The following ATP13A4 variants were observed in gnomAD, a reference collection of about 807,000 sequenced individuals.
The protein encoded by ATP13A4 is ATPase 13A4.
Under a neutral mutation model 142.5 loss-of-function variants are expected in ATP13A4, and 114 were observed. The observed-to-expected ratio is 0.80, with a 90% CI of 0.69 to 0.93. The LOEUF is 0.93. ATP13A4 is among the 40% of genes least tolerant of loss of function. ATP13A4 has a pLI of 0.00. For synonymous variants in ATP13A4, 488 were observed against 514.8 expected (o/e 0.95, Z 0.70); for missense variants, 1,392 against 1,454.0 (o/e 0.96, Z 0.69).
rs1224999283 is a variant in ATP13A4, at chr3:193,578,314, TA to T, written n.291+3392del. ...TCTCAGAAATATCTATATCTATATC[TA>T]TATCTATATCTATATCTATATCTAT... On this transcript the variant is annotated intron_variant and non_coding_transcript_variant, in intron 2 of 3. Coordinates refer to the ATP13A4 transcript ENST00000489140. Among the ~76,000 whole-genome samples the T allele has an allele frequency of 1.3e-4, 19 of 142,934 alleles. No homozygotes were observed. The East Asian group carries it at 3.6e-3, about 27-fold the overall frequency. The allele number at this position is 142,934 out of a possible 152,430, so 93.8% of individuals were successfully genotyped here.
At chr3:193,567,126 A>C (rs1210419096) in intron 2 of ATP13A4, among the ~76,000 whole-genome samples, 1 of 152,230 alleles carries the variant, frequency 6.6e-6, no homozygotes, top group Non-Finnish European at 1.5e-5. Flanking sequence ...ATATTATGCA[A>C]CCATTAAATA....
intron 1 of ATP13A4, among the ~76,000 whole-genome samples, chr3:193,531,169 T>C (rs1201823653): frequency 2.0e-5 from 3 of 151,502 alleles, no homozygotes; most frequent in African/African-American, 7.3e-5. Flanking sequence ...GTAAAAGCAC[T>C]AGCCCGTTGA....
intron 8 of ATP13A4, among the ~76,000 whole-genome samples, chr3:193,481,415 A>C (rs1719286258): frequency 6.6e-6 from 1 of 152,180 alleles, no homozygotes; most frequent in South Asian, 2.1e-4. Context: ...ATAATACAAA[A>C]ACACATACAT....
At chr3:193,441,386 T>G (rs1382096114) in intron 20 of ATP13A4, 80 bp downstream of exon 20, 1 of 1,553,222 alleles carries the variant, frequency 6.4e-7, no homozygotes, top group Non-Finnish European at 8.9e-7. Context: ...GTCTCAAGAT[T>G]TGAAATAATT....
intron 1 of ATP13A4, among the ~76,000 whole-genome samples, chr3:193,584,870 A>G (rs1207279363): frequency 2.6e-5 from 4 of 152,218 alleles, no homozygotes; most frequent in Non-Finnish European, 5.9e-5. Context: ...AATCTTCGCT[A>G]TACATTTTGA....
Position 193,464,958 on chromosome 3 carries a change from G to A in ATP13A4, c.1443C>T (p.Asn481=). 1.9e-6 allele frequency: 3 copies of A among 1,614,086 alleles called. No homozygotes were observed. The highest frequency in any genetic ancestry group is 2.5e-6 in the Non-Finnish European group (3 of 1,180,000). ...PQRINVCGQL[N]LVCFDKTGTL... ...CACATACCTTGTCAAAGCAGACAAG[G>A]TTTAACTGTCCACATACGTTGATCC... The change falls in exon 12 of 30, where the codon AAC becomes AAT. Residue 481 remains asparagine, a synonymous_variant. Coordinates refer to ENST00000342695, the MANE Select transcript of ATP13A4 (RefSeq NM_032279.4).
intron 2 of ATP13A4, among the ~76,000 whole-genome samples, chr3:193,574,230 C>T (rs1724347891): frequency 6.6e-6 from 1 of 152,252 alleles, no homozygotes; most frequent in African/African-American, 2.4e-5. Context: ...CTGCCTCCGG[C>T]ATCACCACCC....
chr3:193,507,362 C>A (rs1290351064), intron 2 of ATP13A4, among the ~76,000 whole-genome samples: 10 of 151,932 alleles, frequency 6.6e-5, no homozygotes, highest in Non-Finnish European at 1.5e-4. Context: ...CCTCTCCTGG[C>A]CAGACTCATT....
chr3:193,414,786 C>A, intron 25 of ATP13A4, 36 bp from the exon 26 acceptor site: 1 of 1,596,548 alleles, frequency 6.3e-7, no homozygotes, highest in African/African-American at 1.3e-5. Flanking sequence ...TTTATGAGAG[C>A]AGGAAAATGT....
intron 25 of ATP13A4, among the ~76,000 whole-genome samples, chr3:193,417,516 G>A (rs1715127086): frequency 6.6e-6 from 1 of 152,172 alleles, no homozygotes; most frequent in Non-Finnish European, 1.5e-5. Context: ...TATAAATTTA[G>A]AATGTTTCAT....
chr3:193,584,120 C>G (rs1724623926), intron 1 of ATP13A4, among the ~76,000 whole-genome samples: 1 of 152,180 alleles, frequency 6.6e-6, no homozygotes, highest in South Asian at 2.1e-4. Flanking sequence ...TAATCAGAAG[C>G]TGTGCATGTG....
At chr3:193,465,821 C>T (rs1718243266) in intron 11 of ATP13A4, among the ~76,000 whole-genome samples, 1 of 151,988 alleles carries the variant, frequency 6.6e-6, no homozygotes, top group African/African-American at 2.4e-5. Context: ...TTGTTTTATC[C>T]CATTATCCCA....
At chr3:193,589,535 G>T (rs370753243) in intron 1 of ATP13A4, among the ~76,000 whole-genome samples, 1 of 151,898 alleles carries the variant, frequency 6.6e-6, no homozygotes, top group Non-Finnish European at 1.5e-5. Flanking sequence ...TTTCTGATTC[G>T]TTGGATAATT....
chr3:193,556,520 T>C (rs1323963892), upstream of ATP13A4, among the ~76,000 whole-genome samples: 2 of 152,044 alleles, frequency 1.3e-5, no homozygotes, highest in African/African-American at 4.8e-5. Context: ...TATATATATA[T>C]GTAGTTCTCT....
intron 25 of ATP13A4, among the ~76,000 whole-genome samples, chr3:193,417,862 C>T (rs886728011): frequency 6.8e-6 from 1 of 147,974 alleles, no homozygotes; most frequent in Non-Finnish European, 1.5e-5. Flanking sequence ...GTGGCTCACG[C>T]CTGTAATCCC....
At chr3:193,406,788 C>G (rs935351889) in intron 29 of ATP13A4, among the ~76,000 whole-genome samples, 2 of 152,094 alleles carry the variant, frequency 1.3e-5, no homozygotes, top group African/African-American at 2.4e-5. Context: ...TATGAAATGT[C>G]CAGAAAAGTC....
chr3:193,483,565 T>C lies in ATP13A4; in HGVS notation c.808+371A>G, dbSNP rs181848813. Among the ~76,000 whole-genome samples, 618 of 151,974 alleles carry C rather than the reference T, an allele frequency of 4.1e-3. 18 individuals carry two copies. The East Asian group carries it at 0.062, about 15-fold the overall frequency. On this transcript the variant is annotated intron_variant, in intron 8 of 29. Coordinates refer to ENST00000342695, the MANE Select transcript of ATP13A4 (RefSeq NM_032279.4). ...CTGCAAGCTCCGCCTCCCGGGTTCA[T>C]GCCATTCTCCTGCCTCAGCCTCCTG...
intron 2 of ATP13A4, among the ~76,000 whole-genome samples, chr3:193,565,304 A>G (rs1724110539): frequency 6.6e-6 from 1 of 152,182 alleles, no homozygotes; most frequent in African/African-American, 2.4e-5. Flanking sequence ...TAATGCATAT[A>G]AAGTGCTTAG....
At chr3:193,412,502 G>A in intron 26 of ATP13A4, 131 bp from the exon 27 acceptor site, 1 of 493,630 alleles carries the variant, frequency 2.0e-6, no homozygotes, top group East Asian at 4.8e-5. Context: ...CCTGTGCTTT[G>A]GAAAACACAC....
Sources: gnomAD v4.1 joint callset for allele counts (sites outside exome capture counted in the v4.1 genomes callset) on GRCh38, gnomAD v4.1.1 for gene constraint, MANE v1.5 for transcripts, NCBI Gene and HGNC (gene_info 2026-07-23, HGNC 2026-07-21) for gene names.